Variants in ACTR3C observed in about 807,000 individuals in gnomAD.
The protein encoded by ACTR3C is actin-related protein 3C.
Under a neutral mutation model 26.3 loss-of-function variants are expected in ACTR3C, and 18 were observed. The observed-to-expected ratio is 0.68, with a 90% CI of 0.47 to 1.01. ACTR3C has a LOEUF of 1.01. ACTR3C is among the 50% of genes least tolerant of loss of function. The pLI, the probability that ACTR3C is intolerant of heterozygous loss-of-function variation, is 0.00. For synonymous variants in ACTR3C, 55 were observed against 94.5 expected (o/e 0.58, Z 2.42); for missense variants, 184 against 250.7 (o/e 0.73, Z 1.80).
chr7:149,989,119 C>T, the ACTR3C span, among the ~76,000 whole-genome samples: 236 of 152,256 alleles, frequency 1.6e-3, 1 homozygote, highest in African/African-American at 5.4e-3. Flanking sequence ...CCAAAAGAAC[C>T]CTGGTAAGGT....
At chr7:150,111,818 A>T in the ACTR3C span, among the ~76,000 whole-genome samples, 1 of 145,484 alleles carries the variant, frequency 6.9e-6, no homozygotes, top group East Asian at 2.1e-4. Flanking sequence ...CCACCAGGTG[A>T]AAACGCTAAT....
At chr7:150,302,022 T>C (rs1795467608) in intron 1 of ACTR3C, among the ~76,000 whole-genome samples, 1 of 152,098 alleles carries the variant, frequency 6.6e-6, no homozygotes, top group South Asian at 2.1e-4. Flanking sequence ...TTCTGTTATG[T>C]GTATTTTAGA....
chr7:150,123,976 C>T, the ACTR3C span, among the ~76,000 whole-genome samples: 2 of 152,274 alleles, frequency 1.3e-5, no homozygotes, highest in African/African-American at 2.4e-5. Context: ...ATGTCCCTTC[C>T]ATCTCTTCAG....
At chr7:150,082,275 CA>C in the ACTR3C span, among the ~76,000 whole-genome samples, 1 of 152,064 alleles carries the variant, frequency 6.6e-6, no homozygotes, top group Non-Finnish European at 1.5e-5. Context: ...ACCAAATGGG[CA>C]AAAAATGGTC....
chr7:150,161,224 A>ATATATATATATATTTTTTTTTTTTTTTTT, the ACTR3C span, among the ~76,000 whole-genome samples: 1 of 128,178 alleles, frequency 7.8e-6, no homozygotes, highest in African/African-American at 3.1e-5. Flanking sequence ...ATATATATAT[A>ATATATATATATATTTTTTTTTTTTTTTTT]TTTATTATAC....
the ACTR3C span, among the ~76,000 whole-genome samples, chr7:149,951,132 C>A: frequency 2.7e-5 from 2 of 75,440 alleles, no homozygotes; most frequent in African/African-American, 1.6e-4. Context: ...GTTCGAGGCG[C>A]AACTGTGTTT....
At chr7:150,288,049 G>T (rs143375978) in intron 4 of ACTR3C, among the ~76,000 whole-genome samples, 1,620 of 145,838 alleles carry the variant, frequency 0.011, 36 homozygotes, top group Middle Eastern at 0.024. Context: ...AAGGGGAAGC[G>T]GGGGGAGCTC....
chr7:149,938,607 C>A, the ACTR3C span, among the ~76,000 whole-genome samples: 3 of 151,972 alleles, frequency 2.0e-5, no homozygotes, highest in African/African-American at 7.2e-5. Context: ...GAATATCCAT[C>A]CAGATTATTC....
the ACTR3C span, among the ~76,000 whole-genome samples, chr7:149,971,650 C>T: frequency 6.6e-6 from 1 of 152,190 alleles, no homozygotes; most frequent in East Asian, 1.9e-4. Flanking sequence ...TGAGTTTTCA[C>T]GTCTTAGTTT....
chr7:150,231,128 A>G, the ACTR3C span, among the ~76,000 whole-genome samples: 2 of 152,188 alleles, frequency 1.3e-5, no homozygotes, highest in East Asian at 3.9e-4. Flanking sequence ...ATTTTGATAA[A>G]TTGCATTTTC....
the ACTR3C span, among the ~76,000 whole-genome samples, chr7:149,906,352 G>A: frequency 6.7e-6 from 1 of 148,934 alleles, no homozygotes; most frequent in South Asian, 2.1e-4. Context: ...GAAATATGCA[G>A]TAATGACGTG....
At chr7:150,157,820 C>T in the ACTR3C span, among the ~76,000 whole-genome samples, 68 of 150,548 alleles carry the variant, frequency 4.5e-4, 1 homozygote, top group East Asian at 2.0e-4. Context: ...TCATCAATCC[C>T]GCTTTGAGCA....
At chr7:149,890,974 C>T in the ACTR3C span, 5 of 358,168 alleles carry the variant, frequency 1.4e-5, no homozygotes, top group African/African-American at 1.0e-4. Flanking sequence ...AAACAACAGC[C>T]CTAGAGCTGC....
chr7:150,167,506 CATTTT>C, the ACTR3C span, among the ~76,000 whole-genome samples: 2 of 150,934 alleles, frequency 1.3e-5, no homozygotes, highest in South Asian at 4.1e-4. Context: ...AGTGTAAACA[CATTTT>C]ATTATAATTA....
the ACTR3C span, among the ~76,000 whole-genome samples, chr7:150,111,585 C>G: frequency 1.1e-5 from 1 of 91,422 alleles, no homozygotes. Context: ...CTGTGACACG[C>G]TCACACTTTC....
At chr7:150,173,304 C>G in the ACTR3C span, among the ~76,000 whole-genome samples, 2 of 146,642 alleles carry the variant, frequency 1.4e-5, no homozygotes, top group African/African-American at 5.5e-5. Context: ...GACTATTGTG[C>G]ATTTGCCGGC....
chr7:150,253,811 GCAGATGTAATGAAGCATACATCTGC>G (rs1276707672), intron 6 of ACTR3C, among the ~76,000 whole-genome samples: 1 of 151,840 alleles, frequency 6.6e-6, no homozygotes, highest in Admixed American at 6.6e-5. Flanking sequence ...CTCTAACTGT[GCAGATGTAATGAAGCATACATCTGC>G]CAGATGGAAG....
At chr7:150,170,535 C>A in the ACTR3C span, among the ~76,000 whole-genome samples, 4 of 150,592 alleles carry the variant, frequency 2.7e-5, no homozygotes, top group Non-Finnish European at 5.9e-5. Flanking sequence ...TGTTTCATTG[C>A]TGGCCCATTG....
the ACTR3C span, among the ~76,000 whole-genome samples, chr7:150,077,918 A>G: frequency 1.3e-5 from 2 of 152,272 alleles, no homozygotes; most frequent in African/African-American, 4.8e-5. Flanking sequence ...TTTCCAGACT[A>G]TGCAATGAGA....
Sources: allele counts gnomAD v4.1 joint callset (sites outside exome capture counted in the v4.1 genomes callset), GRCh38; gene constraint gnomAD v4.1.1; transcripts MANE v1.5; gene names NCBI Gene and HGNC (gene_info 2026-07-23, HGNC 2026-07-21).